The following LRRK2 variants were observed in gnomAD, a reference collection of about 807,000 sequenced individuals.
LRRK2 encodes the protein leucine-rich repeat serine/threonine-protein kinase 2.
In LRRK2, 203 loss-of-function variants were observed where a neutral mutation model predicts 302.6. That is an observed-to-expected ratio of 0.67 (90% CI 0.60 to 0.75). The LOEUF (loss-of-function observed/expected upper bound fraction) is 0.75. Among genes scored for constraint, LRRK2 ranks in the 30% least tolerant of loss-of-function variants. The probability of loss-of-function intolerance (pLI) is 0.00; values close to 1 mark genes in which losing one functional copy is unlikely to be tolerated. For missense variants in LRRK2, 2,830 were observed against 2,951.0 expected, an observed-to-expected ratio of 0.96 and a Z score of 0.95; for synonymous variants, 1,066 against 1,031.9, an observed-to-expected ratio of 1.03 and a Z score of -0.63.
chr12:40,346,647 A>G (rs1280720441), intron 41 of LRRK2, 106 bp from the exon 42 acceptor site: 4 of 1,030,280 alleles, frequency 3.9e-6, no homozygotes, highest in Middle Eastern at 2.3e-4. Flanking sequence ...GGTTTAGAAC[A>G]TCTCTTCCTG....
rs1376675649 is a variant in LRRK2, at chr12:40,335,064, A to G, written c.5855A>G (p.Lys1952Arg). 6 of 1,614,006 alleles carry G rather than the reference A, an allele frequency of 3.7e-6. No individual in the cohort carries two copies. The highest frequency in any genetic ancestry group is 1.3e-5 in the African/African-American group (1 of 74,922). ...PRMLVMELASKGSLDRLLQQD... is the reference protein window; with the variant it reads ...PRMLVMELASRGSLDRLLQQD... The stretch of plus-strand genomic sequence containing the variant: ...ATGTTGGTGATGGAGTTAGCCTCCA[A>G]GGGTTCCTTGGATCGCCTGCTTCAG... Residue 1952 changes from lysine to arginine, a missense_variant, in exon 40 of 51, where the codon AAG becomes AGG. Physicochemically the swap from Lys to Arg is conservative, Grantham distance 26. Transcript: ENST00000298910.
chr12:40,351,983 GAGA>G (rs1247760074), intron 44 of LRRK2, among the ~76,000 whole-genome samples: 1 of 152,206 alleles, frequency 6.6e-6, no homozygotes, highest in African/African-American at 2.4e-5. Flanking sequence ...GAATCTTAGA[GAGA>G]AGTAGAGGAA....
At chr12:40,348,094 G>T (rs1161217279) in intron 42 of LRRK2, among the ~76,000 whole-genome samples, 1 of 152,168 alleles carries the variant, frequency 6.6e-6, no homozygotes, top group Non-Finnish European at 1.5e-5. Context: ...ATAAAAAGTA[G>T]AAGCTTTATT....
At chr12:40,366,418 T>C (rs1946882335) in intron 49 of LRRK2, 1 of 152,090 alleles carries the variant, frequency 6.6e-6, no homozygotes, top group South Asian at 2.1e-4. Context: ...TATTTTTTTT[T>C]CATTAATGCT....
At chr12:40,250,596 A>C (rs558512482) in intron 8 of LRRK2, among the ~76,000 whole-genome samples, 1 of 152,184 alleles carries the variant, frequency 6.6e-6, no homozygotes, top group African/African-American at 2.4e-5. Context: ...ATACCTATTA[A>C]CCCATCACCT....
At chr12:40,332,719 C>T (rs1945746489) in intron 39 of LRRK2, among the ~76,000 whole-genome samples, 1 of 152,060 alleles carries the variant, frequency 6.6e-6, no homozygotes, top group Non-Finnish European at 1.5e-5. Flanking sequence ...AGAAGCTTAT[C>T]TGTGAATCAA....
chr12:40,237,950 A>G lies in LRRK2; in HGVS notation c.437-19A>G, dbSNP rs1184998658. On this transcript the variant is annotated intron_variant, in intron 4 of 50. Coordinates refer to ENST00000298910, the MANE Select transcript of LRRK2 (RefSeq NM_198578.4). ...TAAAGCAGCTCTTTACTCAGAGCAT[A>G]TTATTCTCTTTAAAATAGGTAAAAT... The G allele has an allele frequency of 1.2e-6, 2 of 1,605,792 alleles. No homozygotes were observed. Among genetic ancestry groups the G allele is most frequent in the Non-Finnish European group, 1.7e-6 (2 of 1,174,712 alleles).
chr12:40,259,341 A>C, intron 12 of LRRK2, 139 bp from the exon 13 acceptor site: 1 of 999,654 alleles, frequency 1.0e-6, no homozygotes, highest in Non-Finnish European at 1.5e-6. Context: ...TGCTCATACT[A>C]CTGATTTCAA....
At chr12:40,281,544 A>G (rs17466044) in intron 18 of LRRK2, among the ~76,000 whole-genome samples, 4,695 of 152,336 alleles carry the variant, frequency 0.031, 103 homozygotes, top group Non-Finnish European at 0.048. Context: ...CTTCATTATT[A>G]TTTAAATGTA....
At chr12:40,323,337 A>G in intron 38 of LRRK2, 31 bp downstream of exon 38, 2 of 1,575,130 alleles carry the variant, frequency 1.3e-6, no homozygotes, top group East Asian at 2.3e-5. Context: ...GAGAATAAAA[A>G]TTAGGATGTA....
intron 46 of LRRK2, among the ~76,000 whole-genome samples, chr12:40,356,920 A>G (rs950120483): frequency 6.6e-6 from 1 of 152,212 alleles, no homozygotes; most frequent in African/African-American, 2.4e-5. Flanking sequence ...ATCCATCACC[A>G]TGAGCATTTA....
At chr12:40,253,092 G>A (rs1942350985) in intron 11 of LRRK2, 76 bp downstream of exon 11, 1 of 933,054 alleles carries the variant, frequency 1.1e-6, no homozygotes, top group Non-Finnish European at 1.7e-6. Flanking sequence ...GCTATATACT[G>A]TGAAAAATTT....
chr12:40,355,954 T>G (rs373691479), intron 45 of LRRK2, among the ~76,000 whole-genome samples, 161 bp from the exon 46 acceptor site: 25 of 152,306 alleles, frequency 1.6e-4, no homozygotes, highest in Middle Eastern at 3.4e-3. Flanking sequence ...AAAGAATTTA[T>G]AATTCCAAGT....
chr12:40,246,923 G>A (rs920739439), intron 7 of LRRK2, among the ~76,000 whole-genome samples: 6 of 152,176 alleles, frequency 3.9e-5, no homozygotes, highest in African/African-American at 1.4e-4. Flanking sequence ...TGATATTTTT[G>A]TGAGGACAAC....
chr12:40,229,870 A>T (rs141232503), intron 2 of LRRK2, among the ~76,000 whole-genome samples: 8 of 150,992 alleles, frequency 5.3e-5, no homozygotes, highest in Non-Finnish European at 8.8e-5. Flanking sequence ...GTTTACTGAT[A>T]CTGTTGCTTC....
intron 2 of LRRK2, among the ~76,000 whole-genome samples, chr12:40,227,015 G>A (rs1940927181): frequency 6.6e-6 from 1 of 152,086 alleles, no homozygotes; most frequent in Admixed American, 6.6e-5. Context: ...ACAACCCAGG[G>A]GAGCCTGGAA....
chr12:40,231,590 AAAC>A (rs1941194973), intron 2 of LRRK2, among the ~76,000 whole-genome samples: 1 of 146,644 alleles, frequency 6.8e-6, no homozygotes, highest in Non-Finnish European at 1.5e-5. Flanking sequence ...AAAAAAAAAA[AAAC>A]AAGAAAAAAA....
intron 3 of LRRK2, among the ~76,000 whole-genome samples, chr12:40,234,674 G>T (rs1227268011): frequency 1.3e-5 from 2 of 151,894 alleles, no homozygotes; most frequent in East Asian, 3.9e-4. Context: ...ACGGCCACCG[G>T]CCCACTACTT....
At chr12:40,346,666 A>G in intron 41 of LRRK2, 87 bp from the exon 42 acceptor site, 3 of 1,221,306 alleles carry the variant, frequency 2.5e-6, no homozygotes, top group Non-Finnish European at 3.6e-6. Context: ...TGACTCTCTT[A>G]TTTGGCATAT....
Sources: gnomAD v4.1 joint callset for allele counts (sites outside exome capture counted in the v4.1 genomes callset) on GRCh38, gnomAD v4.1.1 for gene constraint, MANE v1.5 for transcripts, NCBI Gene and HGNC (gene_info 2026-07-23, HGNC 2026-07-21) for gene names.